ARHGEF40: variants seen among roughly 807,000 people sequenced by gnomAD.
ARHGEF40 encodes the protein Rho guanine nucleotide exchange factor (GEF) 40.
Under a neutral mutation model 165.9 loss-of-function variants are expected in ARHGEF40, and 98 were observed. The observed-to-expected ratio is 0.59, with a 90% CI of 0.50 to 0.70. The LOEUF is 0.70. Ranked by LOEUF, ARHGEF40 falls within the 30% of genes least tolerant of loss-of-function variation. The pLI, the probability that ARHGEF40 is intolerant of heterozygous loss-of-function variation, is 0.00. For synonymous variants in ARHGEF40, 792 were observed against 814.3 expected, an observed-to-expected ratio of 0.97 and a Z score of 0.47; for missense variants, 1,815 against 1,968.0, an observed-to-expected ratio of 0.92 and a Z score of 1.47.
intron 19 of ARHGEF40, 88 bp from the exon 20 acceptor site, chr14:21,086,907 GAAAAAA>G: frequency 2.8e-6 from 2 of 724,220 alleles, no homozygotes; most frequent in Non-Finnish European, 4.1e-6. Flanking sequence ...GGGAAGGAAC[GAAAAAA>G]AAAAAAAAAG....
At chr14:21,067,280 A>AG (rs914915323), upstream of ARHGEF40, among the ~76,000 whole-genome samples, 8 of 65,110 alleles carry the variant, frequency 1.2e-4, no homozygotes, top group Non-Finnish European at 3.0e-4. Flanking sequence ...AGAAAAAGGT[A>AG]GGTTTTTTTT....
chr14:21,088,905 A>G (rs1888609553), intron 23 of ARHGEF40, 29 bp downstream of exon 23: 1 of 1,608,694 alleles, frequency 6.2e-7, no homozygotes, highest in South Asian at 1.1e-5. Flanking sequence ...TTTCTACCAC[A>G]TCCAGCACTC....
At position 21,073,306 on chromosome 14, in the gene ARHGEF40, C is replaced by A; in HGVS notation, c.201+64C>A. ...TCCACTGCCACACTCTACAGACTAG[C>A]CAGGCTGACTAATGCCCCCACTAAC... On this transcript the variant is annotated intron_variant, in intron 2 of 23. Coordinates refer to ENST00000298694, the MANE Select transcript of ARHGEF40 (RefSeq NM_018071.5). This position sits in a 1 kb window ranked among gnomAD's most constrained non-coding sequence, Gnocchi z 4.6. The A allele has an allele frequency of 6.6e-7, 1 of 1,505,848 alleles. No homozygotes were observed. The highest frequency in any genetic ancestry group is 1.2e-5 in the South Asian group (1 of 80,898). 93.3% of individuals were successfully genotyped at this position (1,505,848 alleles called of 1,614,324 possible).
intron 11 of ARHGEF40, among the ~76,000 whole-genome samples, chr14:21,079,345 A>G (rs886997551): frequency 2.6e-5 from 4 of 152,120 alleles, no homozygotes; most frequent in Admixed American, 6.5e-5. Context: ...ATAAAAGTCT[A>G]TTGATACCAG....
At chr14:21,068,472 T>C (rs1234951822), upstream of ARHGEF40, among the ~76,000 whole-genome samples, 2 of 152,032 alleles carry the variant, frequency 1.3e-5, no homozygotes, top group Non-Finnish European at 2.9e-5. Flanking sequence ...TGCTGCAGTT[T>C]AAGGAATGGA....
chr14:21,078,921 G>A lies in ARHGEF40; in HGVS notation c.2284G>A (p.Val762Met), dbSNP rs753003134. ...AGGCCCAGCTACACTGTATCAGGAAGTGGACGAGGCCATTCACCAGCTTGT... is the reference window on the plus strand; with the variant it reads ...AGGCCCAGCTACACTGTATCAGGAAATGGACGAGGCCATTCACCAGCTTGT... ...GQGPATLYQEVDEAIHQLVRL... is the reference protein window; with the variant it reads ...GQGPATLYQEMDEAIHQLVRL... Residue 762 changes from valine (V) to methionine (M), a missense_variant, in exon 11 of 24, where the codon GTG (valine) becomes ATG (methionine). Coordinates refer to ENST00000298694, the MANE Select transcript of ARHGEF40 (RefSeq NM_018071.5). 4.3e-6 allele frequency: 7 copies of A among 1,614,190 alleles called. No individual in the cohort carries two copies. The highest frequency in any genetic ancestry group is 5.9e-6 in the Non-Finnish European group (7 of 1,179,988).
chr14:21,075,598 C>A lies in ARHGEF40; in HGVS notation c.1619-47C>A. 1 of 1,613,850 alleles carries A rather than the reference C, an allele frequency of 6.2e-7. No homozygotes were observed. The highest frequency in any genetic ancestry group is 2.2e-5 in the East Asian group (1 of 44,882). ...GGAGGCAGGGTGGAAAGGAGGTAGG[C>A]ATGGACTGCTCCCAGCCAGGACAGC... On this transcript the variant is annotated intron_variant, in intron 4 of 23. Transcript: ENST00000298694. The surrounding 1 kb of genome is among the most constrained non-coding windows in gnomAD (Gnocchi z 4.5).
intron 10 of ARHGEF40, 100 bp downstream of exon 10, chr14:21,078,588 A>G (rs1034194125): frequency 8.1e-7 from 1 of 1,230,744 alleles, no homozygotes; most frequent in African/African-American, 1.5e-5. Flanking sequence ...CTTACTGTGC[A>G]TGTATCTGGG....
chr14:21,077,100 G>A lies in ARHGEF40; in HGVS notation c.2034+210G>A, dbSNP rs1241198766. 2.0e-5 allele frequency among the ~76,000 whole-genome samples: 3 copies of A among 151,972 alleles called. No individual in the cohort carries two copies. In the East Asian group the frequency reaches 5.8e-4, roughly 29 times the overall value. ...TCTACTGGGGAGATAGGAGGAGTAT[G>A]ATAAATTATTATAATTATTATTTTT... On this transcript the variant is annotated intron_variant, in intron 8 of 23. Coordinates refer to ENST00000298694, the MANE Select transcript of ARHGEF40 (RefSeq NM_018071.5).
Position 21,089,073 on chromosome 14 carries a change from G to A in ARHGEF40, c.*65G>A. On this transcript the variant is annotated 3_prime_UTR_variant, in exon 24 of 24. Transcript: ENST00000298694. ...CAGCACACTTTGGGCTGGGATGGCAGTGGGGCATAATGGAGCCCTGGGCGA... is the reference window on the plus strand; with the variant it reads ...CAGCACACTTTGGGCTGGGATGGCAATGGGGCATAATGGAGCCCTGGGCGA... The A allele has an allele frequency of 1.8e-6, 1 of 551,426 alleles. No homozygotes were observed. The highest frequency in any genetic ancestry group is 3.2e-6 in the Non-Finnish European group (1 of 314,650). 34.2% of individuals were successfully genotyped at this position (551,426 alleles called of 1,614,324 possible).
rs1887128595 is a variant in ARHGEF40 at position 21,073,273 on chromosome 14, C to G, written c.201+31C>G. 1 of 1,564,776 alleles carries G rather than the reference C, an allele frequency of 6.4e-7. No homozygotes were observed. The highest frequency in any genetic ancestry group is 2.4e-5 in the East Asian group (1 of 41,928). On this transcript the variant is annotated intron_variant, in intron 2 of 23. Coordinates refer to ENST00000298694, the MANE Select transcript of ARHGEF40 (RefSeq NM_018071.5). This position sits in a 1 kb window ranked among gnomAD's most constrained non-coding sequence, Gnocchi z 4.6. Reference sequence around the variant, plus strand: ...TGGCCGTGCATCACTATTCTGCCTTCCCCAAGATCCACTGCCACACTCTAC... The same window carrying G: ...TGGCCGTGCATCACTATTCTGCCTTGCCCAAGATCCACTGCCACACTCTAC...
At chr14:21,062,002 A>C in the ARHGEF40 span, among the ~76,000 whole-genome samples, 1 of 152,244 alleles carries the variant, frequency 6.6e-6, no homozygotes, top group Admixed American at 6.5e-5. Context: ...ATGTTTAAAG[A>C]GTTTCATTAA....
At chr14:21,063,580 T>C in the ARHGEF40 span, among the ~76,000 whole-genome samples, 5 of 152,188 alleles carry the variant, frequency 3.3e-5, no homozygotes, top group Non-Finnish European at 5.9e-5. Flanking sequence ...TTTTATCCGC[T>C]GCTTGGCAGT....
At chr14:21,071,574 C>T (rs1019901891) in intron 1 of ARHGEF40, among the ~76,000 whole-genome samples, 10 of 152,188 alleles carry the variant, frequency 6.6e-5, no homozygotes, top group African/African-American at 1.9e-4. Flanking sequence ...GGCTGGGTCT[C>T]CGTGCTCCCG....
intron 23 of ARHGEF40, 56 bp downstream of exon 23, chr14:21,088,932 A>G: frequency 1.9e-6 from 3 of 1,558,016 alleles, no homozygotes; most frequent in Non-Finnish European, 2.6e-6. Context: ...TCTTGCATGT[A>G]CCTTCCTTCC....
chr14:21,070,150 A>G (rs1209167420), upstream of ARHGEF40: 2 of 215,720 alleles, frequency 9.3e-6, no homozygotes, highest in Non-Finnish European at 1.8e-5. This position sits in a 1 kb window ranked among gnomAD's most constrained non-coding sequence, Gnocchi z 4.7. Flanking sequence ...CGCGGGAGAC[A>G]GAGTCCCGGC....
Position 21,070,953 on chromosome 14 carries a change from T to C in ARHGEF40, c.3+554T>C. The C allele has an allele frequency of 8.0e-7, 1 of 1,247,302 alleles. No homozygotes were observed. The highest frequency in any genetic ancestry group is 1.1e-6 in the Non-Finnish European group (1 of 888,174). 77.3% of individuals were successfully genotyped at this position (1,247,302 alleles called of 1,614,324 possible). A position where few individuals can be genotyped will look rare whatever the true frequency, so the allele number is the denominator to read the frequency against. On this transcript the variant is annotated intron_variant, in intron 1 of 23. Transcript: ENST00000298694. The surrounding 1 kb of genome is among the most constrained non-coding windows in gnomAD (Gnocchi z 4.7). ...CCCGGGGCATGGCCAAAGAGGGAAA[T>C]TCCCGCAGAGAAAAAGAGCTGCCTC...
chr14:21,061,543 A>G, the ARHGEF40 span, among the ~76,000 whole-genome samples: 15 of 152,146 alleles, frequency 9.9e-5, no homozygotes, highest in Non-Finnish European at 1.8e-4. Context: ...GAGCTGCCCA[A>G]TAGCCTTGGG....
At position 21,076,513 on chromosome 14, in the gene ARHGEF40, G is replaced by C. The variant is rs201569430; in HGVS notation, c.1837-50G>C. ...GATCCTAACTCTTCACCAGTGGCCA[G>C]TCCAGGACACCCGATTGCCCAGTTT... On this transcript the variant is annotated intron_variant, in intron 6 of 23. Coordinates refer to ENST00000298694, the MANE Select transcript of ARHGEF40 (RefSeq NM_018071.5). 7.0e-4 allele frequency: 1,129 copies of C among 1,613,494 alleles called. 1 individual carries two copies. The highest frequency in any genetic ancestry group is 8.9e-4 in the Non-Finnish European group (1,051 of 1,179,408).
Sources: gnomAD v4.1 joint callset for allele counts (sites outside exome capture counted in the v4.1 genomes callset) on GRCh38, gnomAD v4.1.1 for gene constraint, Gnocchi (gnomAD v3.1) non-coding constraint, MANE v1.5 for transcripts, NCBI Gene and HGNC (gene_info 2026-07-23, HGNC 2026-07-21) for gene names.